Variants in CUL3 observed in about 807,000 individuals in gnomAD.
CUL3 encodes the protein cullin-3.
A neutral mutation model predicts 89.1 loss-of-function variants in CUL3; 19 were observed. The observed-to-expected ratio is 0.21, with a 90% CI of 0.15 to 0.31. The LOEUF (loss-of-function observed/expected upper bound fraction) is 0.31, where lower values mean the gene tolerates loss of function less well. Among genes scored for constraint, CUL3 ranks in the 10% least tolerant of loss-of-function variants. CUL3 has a pLI of 1.00. For synonymous variants in CUL3, 351 were observed against 308.4 expected (o/e 1.14, Z -1.45); for missense variants, 469 against 942.3 (o/e 0.50, Z 6.58).
intron 1 of CUL3, among the ~76,000 whole-genome samples, chr2:224,573,295 A>G (rs1286288070): frequency 1.3e-5 from 2 of 152,216 alleles, no homozygotes; most frequent in Non-Finnish European, 2.9e-5. Context: ...AATTTTTTTA[A>G]TGTGTGTCGT....
intron 1 of CUL3, among the ~76,000 whole-genome samples, chr2:224,569,177 A>AT (rs1695119195): frequency 1.3e-5 from 2 of 152,200 alleles, no homozygotes; most frequent in Admixed American, 1.3e-4. Context: ...TGATAAACTG[A>AT]TTAAGTTGCA....
At chr2:224,495,173 C>T (rs1009261466) in intron 13 of CUL3, 1 of 151,306 alleles carries the variant, frequency 6.6e-6, no homozygotes, top group African/African-American at 2.4e-5. Flanking sequence ...CACTATTACA[C>T]ACCAACTAAA....
At chr2:224,514,179 A>G (rs1692947034) in intron 4 of CUL3, among the ~76,000 whole-genome samples, 1 of 152,202 alleles carries the variant, frequency 6.6e-6, no homozygotes. Flanking sequence ...ATTGTTATGA[A>G]GGGGGATGAA....
intron 1 of CUL3, among the ~76,000 whole-genome samples, chr2:224,576,567 C>T (rs1695302588): frequency 6.6e-6 from 1 of 151,504 alleles, no homozygotes; most frequent in Non-Finnish European, 1.5e-5. Context: ...ACTAGTTTCT[C>T]ATGTAATCAA....
chr2:224,557,872 G>A lies in CUL3; in HGVS notation c.67-16C>T, dbSNP rs781001035. The A allele has an allele frequency of 7.8e-4, 189 of 242,544 alleles. 1 individual carries two copies. Among genetic ancestry groups the A allele is most frequent in the Non-Finnish European group, 1.1e-3 (152 of 141,034 alleles). 15.0% of individuals were successfully genotyped at this position (242,544 alleles called of 1,614,324 possible). ...CCATGGTCATCTGTAATATCCAAGA[G>A]AGAGAAGAGACAAAAAAAAAAAAAA... On this transcript the variant is annotated splice_polypyrimidine_tract_variant and intron_variant, in intron 1 of 15. Transcript: ENST00000264414.
chr2:224,520,180 T>C (rs921573244), intron 3 of CUL3, among the ~76,000 whole-genome samples: 3 of 152,214 alleles, frequency 2.0e-5, no homozygotes, highest in African/African-American at 7.2e-5. Context: ...TATGTTTACA[T>C]AAAGGGATGT....
chr2:224,576,695 G>T (rs576237150), intron 1 of CUL3, among the ~76,000 whole-genome samples: 1 of 147,310 alleles, frequency 6.8e-6, no homozygotes, highest in Non-Finnish European at 1.5e-5. Flanking sequence ...AAAGGGGGGG[G>T]GGGGAGGAGA....
chr2:224,491,278 A>G (rs1469794798), intron 13 of CUL3, among the ~76,000 whole-genome samples: 1 of 152,132 alleles, frequency 6.6e-6, no homozygotes, highest in East Asian at 1.9e-4. Context: ...TTACCCTTTC[A>G]TATTCTTTAG....
At chr2:224,549,041 G>A (rs1014503655) in intron 2 of CUL3, among the ~76,000 whole-genome samples, 2 of 150,798 alleles carry the variant, frequency 1.3e-5, no homozygotes, top group East Asian at 4.0e-4. Flanking sequence ...AAAGCTGGAC[G>A]CTGTGGCTCA....
At chr2:224,520,745 G>A (rs1413355098) in intron 3 of CUL3, among the ~76,000 whole-genome samples, 1 of 152,252 alleles carries the variant, frequency 6.6e-6, no homozygotes, top group Non-Finnish European at 1.5e-5. Flanking sequence ...CAGAAGACAC[G>A]AGGACACCAA....
intron 5 of CUL3, 116 bp downstream of exon 5, chr2:224,513,408 C>T (rs1044904036): frequency 2.9e-6 from 2 of 682,768 alleles, no homozygotes; most frequent in East Asian, 2.9e-5. Context: ...TTTTTGCATA[C>T]TCCCCTCCCT....
At chr2:224,584,237 C>T (rs140404444) in intron 1 of CUL3, among the ~76,000 whole-genome samples, 1,987 of 152,226 alleles carry the variant, frequency 0.013, 39 homozygotes, top group South Asian at 0.043. Flanking sequence ...GCTCCCAAGG[C>T]TGAGAAATGG....
Position 224,482,052 on chromosome 2 carries a change from A to G in CUL3, c.1869T>C (p.Pro623=), listed in dbSNP as rs2106152340. ...FEEIQQETDI[P]ERELVRALQS... ...GTAGGGCTCTAACAAGCTCTCTTTC[A>G]GGGATATCTGTCTCTTGCTGAATTT... Residue 623 remains proline (P), a synonymous_variant, in exon 14 of 16, where the codon CCT becomes CCC. Coordinates refer to ENST00000264414, the MANE Select transcript of CUL3 (RefSeq NM_003590.5). 1.2e-6 allele frequency: 2 copies of G among 1,601,926 alleles called. No homozygotes were observed. Among genetic ancestry groups the G allele is most frequent in the Non-Finnish European group, 1.7e-6 (2 of 1,175,762 alleles).
chr2:224,503,935 A>G (rs1001020629), intron 8 of CUL3, 113 bp from the exon 9 acceptor site: 50 of 768,936 alleles, frequency 6.5e-5, no homozygotes, highest in Non-Finnish European at 8.7e-5. Flanking sequence ...TATCTGGTTG[A>G]CATACATCAA....
chr2:224,539,616 C>T (rs1694020702), intron 2 of CUL3, among the ~76,000 whole-genome samples: 1 of 152,110 alleles, frequency 6.6e-6, no homozygotes, highest in Non-Finnish European at 1.5e-5. Context: ...GAATATTACT[C>T]AGCACTAAAA....
At chr2:224,553,602 T>C (rs1321294273) in intron 2 of CUL3, among the ~76,000 whole-genome samples, 2 of 152,192 alleles carry the variant, frequency 1.3e-5, no homozygotes, top group African/African-American at 4.8e-5. Context: ...CCAAATGTGA[T>C]AGTATTTAGA....
Position 224,474,194 on chromosome 2 carries a change from A to G in CUL3, c.*51T>C, listed in dbSNP as rs748444450. On this transcript the variant is annotated 3_prime_UTR_variant, in exon 16 of 16. Coordinates refer to ENST00000264414, the MANE Select transcript of CUL3 (RefSeq NM_003590.5). ...ATTTAATGATTTAAAAGAACTTCCCAGTCCATGCGAAGAGTACAGTCCAAG... is the reference window on the plus strand; with the variant it reads ...ATTTAATGATTTAAAAGAACTTCCCGGTCCATGCGAAGAGTACAGTCCAAG... 1.3e-6 allele frequency: 2 copies of G among 1,559,610 alleles called. No homozygotes were observed. The highest frequency in any genetic ancestry group is 1.7e-6 in the Non-Finnish European group (2 of 1,149,856).
intron 2 of CUL3, among the ~76,000 whole-genome samples, 153 bp from the exon 3 acceptor site, chr2:224,535,794 C>G (rs999751216): frequency 6.6e-6 from 1 of 152,104 alleles, no homozygotes. Flanking sequence ...TAAGCTATAA[C>G]CTATACACAG....
chr2:224,492,202 T>C (rs1692010937), intron 13 of CUL3, among the ~76,000 whole-genome samples: 1 of 152,208 alleles, frequency 6.6e-6, no homozygotes, highest in African/African-American at 2.4e-5. Flanking sequence ...AGCCTTCAAT[T>C]TTAACTTGCT....
Sources: allele counts gnomAD v4.1 joint callset (sites outside exome capture counted in the v4.1 genomes callset), GRCh38; gene constraint gnomAD v4.1.1; transcripts MANE v1.5; gene names NCBI Gene and HGNC (gene_info 2026-07-23, HGNC 2026-07-21).